Variants in GRIK2 observed in about 807,000 individuals in gnomAD.
GRIK2 encodes the protein glutamate receptor ionotropic, kainate 2.
In GRIK2, 32 loss-of-function variants were observed where a neutral mutation model predicts 100.3. The ratio of observed to expected loss-of-function variants is 0.32; its 90% confidence interval spans 0.24 to 0.43. The LOEUF (loss-of-function observed/expected upper bound fraction) is 0.43, where lower values mean the gene tolerates loss of function less well. Ranked by LOEUF, GRIK2 falls within the 20% of genes least tolerant of loss-of-function variation. The pLI is 1.00. For missense variants in GRIK2, 843 were observed against 1,114.9 expected (o/e 0.76, Z 3.47); for synonymous variants, 417 against 389.4 (o/e 1.07, Z -0.83).
intron 16 of GRIK2, among the ~76,000 whole-genome samples, chr6:102,065,605 T>C (rs1771979108): frequency 6.6e-6 from 1 of 151,442 alleles, no homozygotes; most frequent in Admixed American, 6.6e-5. Flanking sequence ...AACCAAAATA[T>C]CTGAAAATTG....
intron 11 of GRIK2, among the ~76,000 whole-genome samples, chr6:101,877,800 A>G (rs1194332591): frequency 6.6e-6 from 1 of 151,794 alleles, no homozygotes; most frequent in African/African-American, 2.4e-5. Flanking sequence ...GTTCCTTAAT[A>G]CATTTTCATT....
At chr6:101,946,276 CACAT>C (rs1217924394) in intron 14 of GRIK2, among the ~76,000 whole-genome samples, 2 of 151,894 alleles carry the variant, frequency 1.3e-5, no homozygotes, top group Non-Finnish European at 2.9e-5. Flanking sequence ...TGCATACACA[CACAT>C]ACCTATATCT....
chr6:101,475,209 T>C (rs1772165465), intron 2 of GRIK2, among the ~76,000 whole-genome samples: 1 of 151,928 alleles, frequency 6.6e-6, no homozygotes, highest in South Asian at 2.1e-4. Flanking sequence ...GAAGGTGTAT[T>C]GTGCCCTAGA....
At chr6:101,622,915 G>A (rs929922446) in intron 3 of GRIK2, among the ~76,000 whole-genome samples, 1 of 151,984 alleles carries the variant, frequency 6.6e-6, no homozygotes, top group Admixed American at 6.6e-5. Flanking sequence ...ATAGTCTTAT[G>A]TGGGTGATCT....
At chr6:101,405,572 T>A (rs1775550582) in intron 2 of GRIK2, among the ~76,000 whole-genome samples, 1 of 152,202 alleles carries the variant, frequency 6.6e-6, no homozygotes, top group Admixed American at 6.5e-5. Flanking sequence ...CTTTCTGCAG[T>A]TTCAATAGAG....
chr6:101,538,196 A>T (rs1410987529), intron 2 of GRIK2, among the ~76,000 whole-genome samples: 3 of 151,738 alleles, frequency 2.0e-5, no homozygotes, highest in African/African-American at 7.2e-5. Context: ...ATGATGCTCA[A>T]TTGCATCATC....
intron 2 of GRIK2, chr6:101,431,160 T>C: frequency 4.3e-6 from 1 of 235,274 alleles, no homozygotes; most frequent in South Asian, 7.3e-5. Context: ...CACTGGGTGC[T>C]CCTCAGGAAC....
intron 2 of GRIK2, among the ~76,000 whole-genome samples, 189 bp downstream of exon 2, chr6:101,399,581 G>A (rs1291634777): frequency 6.6e-6 from 1 of 152,002 alleles, no homozygotes; most frequent in Admixed American, 6.6e-5. Flanking sequence ...ATTTTTAGCC[G>A]CGGGAGGGTG....
At chr6:101,731,735 C>T (rs775243577) in intron 7 of GRIK2, among the ~76,000 whole-genome samples, 8 of 151,840 alleles carry the variant, frequency 5.3e-5, no homozygotes, top group Admixed American at 2.0e-4. Context: ...TAGGAATATG[C>T]AAATGGCATC....
chr6:101,602,157 T>C (rs568546114), intron 2 of GRIK2, among the ~76,000 whole-genome samples: 1 of 151,864 alleles, frequency 6.6e-6, no homozygotes, highest in African/African-American at 2.4e-5. Context: ...TATTTTGTTC[T>C]CTCCCTTAAT....
rs773058071 is a variant in GRIK2 at position 101,827,434 on chromosome 6, TTG to T, written c.1317+8953_1317+8954del. ...TTGCTCTATAAGCCTGGCATACTAT[TTG>T]TTTTTGCTTTAAAACATAGCCCCAC... On this transcript the variant is annotated intron_variant, in intron 10 of 16. Coordinates refer to ENST00000369134, the MANE Select transcript of GRIK2 (RefSeq NM_021956.5). 1.4e-4 allele frequency among the ~76,000 whole-genome samples: 22 copies of T among 151,968 alleles called. No homozygotes were observed. The South Asian group carries it at 3.7e-3, about 26-fold the overall frequency.
intron 9 of GRIK2, among the ~76,000 whole-genome samples, chr6:101,808,985 A>G (rs1417243497): frequency 1.3e-5 from 2 of 151,436 alleles, no homozygotes; most frequent in African/African-American, 4.8e-5. Context: ...TAATAATATA[A>G]ATATAAAAAT....
chr6:101,935,754 A>G (rs978846509), intron 14 of GRIK2, among the ~76,000 whole-genome samples: 15 of 152,104 alleles, frequency 9.9e-5, no homozygotes, highest in Middle Eastern at 6.8e-3. Flanking sequence ...CTTGTTGTGA[A>G]AAAAAGCGCT....
rs187660980 is a variant in GRIK2, at chr6:101,884,194, C to T, written c.1525-5446C>T. ...GTTTAGGAATGCGTGGTATTACTTA[C>T]ATGTGACATTATATTGAATATGGAT... is the stretch of plus-strand genomic sequence containing the variant. On this transcript the variant is annotated intron_variant, in intron 11 of 16. Coordinates refer to ENST00000369134, the MANE Select transcript of GRIK2 (RefSeq NM_021956.5). 4.0e-3 allele frequency among the ~76,000 whole-genome samples: 613 copies of T among 152,184 alleles called. 15 individuals are homozygous for T. Among genetic ancestry groups the T allele is most frequent in the Non-Finnish European group, 9.3e-4 (63 of 67,998 alleles).
At chr6:101,850,700 C>T (rs1459591120) in intron 10 of GRIK2, among the ~76,000 whole-genome samples, 1 of 151,974 alleles carries the variant, frequency 6.6e-6, no homozygotes, top group African/African-American at 2.4e-5. Flanking sequence ...TTATTGGGTT[C>T]CTTAAAACTG....
intron 2 of GRIK2, among the ~76,000 whole-genome samples, chr6:101,593,446 T>C (rs1778772375): frequency 6.6e-6 from 1 of 151,980 alleles, no homozygotes; most frequent in Admixed American, 6.6e-5. Flanking sequence ...ACTGTTCCTC[T>C]GACTCTTTCA....
At chr6:101,662,564 C>T (rs986628793) in intron 4 of GRIK2, among the ~76,000 whole-genome samples, 13 of 152,202 alleles carry the variant, frequency 8.5e-5, no homozygotes, top group African/African-American at 3.1e-4. Flanking sequence ...TCACCTTCTA[C>T]TGTCACAGCT....
intron 2 of GRIK2, among the ~76,000 whole-genome samples, chr6:101,425,324 A>G (rs978885312): frequency 2.6e-5 from 4 of 152,194 alleles, no homozygotes; most frequent in Admixed American, 2.6e-4. Context: ...GATTTAATAA[A>G]TACTGTAGAA....
At chr6:101,646,741 G>A (rs182410184) in intron 4 of GRIK2, among the ~76,000 whole-genome samples, 65 of 151,816 alleles carry the variant, frequency 4.3e-4, no homozygotes, top group East Asian at 2.1e-3. Context: ...TAAATCTCCC[G>A]CCTGATAGAG....
Sources: allele counts gnomAD v4.1 joint callset (sites outside exome capture counted in the v4.1 genomes callset), GRCh38; gene constraint gnomAD v4.1.1; transcripts MANE v1.5; gene names NCBI Gene and HGNC (gene_info 2026-07-23, HGNC 2026-07-21).